The following CLCN1 variants were observed in gnomAD, a reference collection of about 807,000 sequenced individuals.
CLCN1 encodes the protein chloride voltage-gated channel 1.
CLCN1 carries 100 observed loss-of-function variants against 114.5 expected under a neutral mutation model. The observed-to-expected ratio is 0.87, with a 90% CI of 0.74 to 1.03. The LOEUF is 1.03. Ranked by LOEUF, CLCN1 falls within the 50% of genes least tolerant of loss-of-function variation. The pLI is 0.00. For missense variants in CLCN1, 1,188 were observed against 1,250.0 expected, an observed-to-expected ratio of 0.95 and a Z score of 0.75; for synonymous variants, 485 against 487.1, an observed-to-expected ratio of 1.00 and a Z score of 0.06.
At position 143,342,417 on chromosome 7, in the gene CLCN1, G is replaced by C. The variant is rs140205115; in HGVS notation, c.1842G>C (p.Lys614Asn). Reference protein sequence around the residue: ...FVEDIMVRDVKFVSASYTYGE... With the variant: ...FVEDIMVRDVNFVSASYTYGE... Reference sequence around the variant, plus strand: ...AGGACATCATGGTACGTGATGTGAAGTTTGTTTCAGCTTCTTACACATATG... The same window carrying C: ...AGGACATCATGGTACGTGATGTGAACTTTGTTTCAGCTTCTTACACATATG... The change falls in exon 16 of 23, where the codon AAG becomes AAC. Residue 614 changes from lysine to asparagine, a missense_variant. Lys to Asn is a moderately conservative substitution (Grantham distance 94). Transcript: ENST00000343257. 5,228 of 1,614,116 alleles carry C rather than the reference G, an allele frequency of 3.2e-3. 15 individuals carry two copies. The highest frequency in any genetic ancestry group is 4.2e-3 in the Non-Finnish European group (4,968 of 1,180,008).
chr7:143,335,149 C>T (rs1197097395), intron 12 of CLCN1, among the ~76,000 whole-genome samples: 1 of 152,142 alleles, frequency 6.6e-6, no homozygotes, highest in Non-Finnish European at 1.5e-5. Context: ...GTATATTTTT[C>T]AACATTTCTG....
Position 143,324,264 on chromosome 7 carries a change from C to G in CLCN1, c.775-150C>G. 11 of 712,900 alleles carry G rather than the reference C, an allele frequency of 1.5e-5. No homozygotes were observed. The highest frequency in any genetic ancestry group is 2.9e-5 in the Non-Finnish European group (11 of 384,666). The allele number at this position is 712,900 out of a possible 1,614,324, so 44.2% of individuals were successfully genotyped here. A position where few individuals can be genotyped will look rare whatever the true frequency, so the allele number is the denominator to read the frequency against. ...GCCAAACTCACTGAGTTTCTCTTGG[C>G]CTGGGAATCACAGGGGACATGGGAC... On this transcript the variant is annotated intron_variant, in intron 6 of 22. Coordinates refer to ENST00000343257, the MANE Select transcript of CLCN1 (RefSeq NM_000083.3). This position sits in a 1 kb window ranked among gnomAD's most constrained non-coding sequence, Gnocchi z 4.6.
intron 7 of CLCN1, among the ~76,000 whole-genome samples, chr7:143,329,167 C>A (rs1047851064): frequency 1.3e-5 from 2 of 152,040 alleles, no homozygotes; most frequent in Admixed American, 1.3e-4. Context: ...AGGGTTTCAC[C>A]ATGTTGGCCA....
Position 143,331,620 on chromosome 7 carries a change from G to A in CLCN1, c.1134G>A (p.Lys378=), listed in dbSNP as rs981464352. The change falls in exon 10 of 23, where the codon AAG becomes AAA. Residue 378 remains lysine, a synonymous_variant. Transcript: ENST00000343257. ...LHRQVMLGVR[K]HKALSQFLAK... Reference sequence around the variant, plus strand: ...GCCAAGTCATGCTCGGTGTCCGAAAGCACAAGGCCCTCAGCCAGTTTCTTG... The same window carrying A: ...GCCAAGTCATGCTCGGTGTCCGAAAACACAAGGCCCTCAGCCAGTTTCTTG... 6.8e-6 allele frequency: 11 copies of A among 1,613,946 alleles called. No individual in the cohort carries two copies. Among genetic ancestry groups the A allele is most frequent in the Non-Finnish European group, 9.3e-6 (11 of 1,179,944 alleles).
rs769749140 is a variant in CLCN1, at chr7:143,339,658, G to A, written c.1582+37G>A. On this transcript the variant is annotated intron_variant, in intron 14 of 22. Transcript: ENST00000343257. This position sits in a 1 kb window ranked among gnomAD's most constrained non-coding sequence, Gnocchi z 4.1. ...TCCCACTTCCCTGTAATCAAACATT[G>A]AGTACTTCAGATCCCCACACTTAAA... 4 of 1,223,830 alleles carry A rather than the reference G, an allele frequency of 3.3e-6. No individual in the cohort carries two copies. The South Asian group carries it at 3.6e-5, about 11-fold the overall frequency. 75.8% of individuals were successfully genotyped at this position (1,223,830 alleles called of 1,614,324 possible).
At chr7:143,331,392 A>C (rs1397310764) in intron 9 of CLCN1, 76 bp downstream of exon 9, 2 of 1,242,438 alleles carry the variant, frequency 1.6e-6, no homozygotes, top group African/African-American at 3.0e-5. Context: ...GACCCAAGCT[A>C]GAAAGAAGGT....
At chr7:143,325,717 T>C (rs1374148001) in intron 7 of CLCN1, among the ~76,000 whole-genome samples, 2 of 152,234 alleles carry the variant, frequency 1.3e-5, no homozygotes, top group African/African-American at 4.8e-5. Context: ...AGCCAGATTC[T>C]CTTAACATGA....
In CLCN1 at chr7:143,331,301, C is replaced by G. The variant is rs763833357; in HGVS notation, c.1049C>G (p.Ala350Gly). The G allele has an allele frequency of 1.2e-6, 2 of 1,611,958 alleles. No individual in the cohort carries two copies. The highest frequency in any genetic ancestry group is 8.5e-7 in the Non-Finnish European group (1 of 1,177,976). ...DFPFDLKELP[A>G]FAAIGICCGL... ...CCCTTTGACCTGAAGGAACTACCAG[C>G]TTTTGCTGCCATCGGGTCAGTGGGG... Residue 350 changes from alanine to glycine, a missense_variant, in exon 9 of 23, where the codon GCT becomes GGT. Transcript: ENST00000343257.
chr7:143,332,650 G>C (rs1170734092), intron 11 of CLCN1, 74 bp from the exon 12 acceptor site: 111 of 1,581,390 alleles, frequency 7.0e-5, no homozygotes, highest in Non-Finnish European at 9.5e-5. Flanking sequence ...ATGAGGCTGG[G>C]GAATAAGTTC....
Position 143,341,495 on chromosome 7 carries a change from G to T in CLCN1, c.1583-434G>T, listed in dbSNP as rs561016867. 2.7e-4 allele frequency among the ~76,000 whole-genome samples: 41 copies of T among 151,986 alleles called. No individual in the cohort carries two copies. The South Asian group carries it at 8.1e-3, about 30-fold the overall frequency. ...AATCACTTGAACCTGGGAGGTGGAG[G>T]TTCCCATGAACCGAGATTGTACCAC... On this transcript the variant is annotated intron_variant, in intron 14 of 22. Transcript: ENST00000343257.
At chr7:143,320,628 G>T (rs774932331) in intron 2 of CLCN1, 36 bp from the exon 3 acceptor site, 1 of 1,526,058 alleles carries the variant, frequency 6.6e-7, no homozygotes, top group Non-Finnish European at 9.0e-7. Context: ...TTTGTTTGTT[G>T]TTTGTTTGTT....
At chr7:143,323,585 C>G (rs1204219372) in intron 6 of CLCN1, 199 bp downstream of exon 6, 1 of 695,360 alleles carries the variant, frequency 1.4e-6, no homozygotes, top group African/African-American at 1.8e-5. Context: ...TGTGCCTGTC[C>G]TCCAAATGTC....
At chr7:143,351,405 T>C (rs923661723) in intron 22 of CLCN1, among the ~76,000 whole-genome samples, 189 bp from the exon 23 acceptor site, 3 of 152,218 alleles carry the variant, frequency 2.0e-5, no homozygotes, top group Middle Eastern at 3.4e-3. Flanking sequence ...CCTTTTCTTG[T>C]CCTTTTTCTG....
chr7:143,317,710 A>G (rs1221288326), intron 1 of CLCN1, among the ~76,000 whole-genome samples: 1 of 152,026 alleles, frequency 6.6e-6, no homozygotes, highest in Non-Finnish European at 1.5e-5. Flanking sequence ...ACCAACCCCC[A>G]GGAGTATTTG....
At chr7:143,332,943 T>C (rs1323826697) in intron 12 of CLCN1, 70 bp downstream of exon 12, 4 of 1,540,926 alleles carry the variant, frequency 2.6e-6, no homozygotes, top group African/African-American at 2.7e-5. Flanking sequence ...AGGGTTTGCA[T>C]AGGGTAGGAA....
At chr7:143,332,243 G>A (rs191941469) in intron 10 of CLCN1, among the ~76,000 whole-genome samples, 176 bp from the exon 11 acceptor site, 32 of 152,314 alleles carry the variant, frequency 2.1e-4, no homozygotes, top group African/African-American at 7.2e-4. Context: ...CATGGGATTA[G>A]AGGCATGAGC....
Position 143,332,785 on chromosome 7 carries a change from G to A in CLCN1, c.1313G>A (p.Gly438Asp). 6.2e-7 allele frequency: 1 copy of A among 1,614,082 alleles called. No individual in the cohort carries two copies. Among genetic ancestry groups the A allele is most frequent in the East Asian group, 2.2e-5 (1 of 44,884 alleles). The change falls in exon 12 of 23, where the codon GGT becomes GAT. Residue 438 changes from glycine (G) to aspartate (D), a missense_variant. Transcript: ENST00000343257. Reference protein sequence around the residue: ...FDNNTWVKHAGDPESLGQSAV... With the variant: ...FDNNTWVKHADDPESLGQSAV... ...AACAATACATGGGTGAAACACGCGG[G>A]TGATCCTGAGAGCCTGGGCCAGTCA...
intron 5 of CLCN1, among the ~76,000 whole-genome samples, chr7:143,322,812 C>T (rs1047934387): frequency 3.3e-5 from 5 of 152,266 alleles, no homozygotes; most frequent in Admixed American, 3.3e-4. Context: ...TGCGCCACCG[C>T]GCCCGGCCTT....
Position 143,330,409 on chromosome 7 carries a change from AT to A in CLCN1, c.854-356del, listed in dbSNP as rs1274872853. 4.6e-5 allele frequency among the ~76,000 whole-genome samples: 7 copies of A among 151,904 alleles called. 1 individual carries two copies. Among genetic ancestry groups the A allele is most frequent in the African/African-American group, 1.5e-4 (6 of 41,324 alleles). ...TTTCTCTCTCTTAACTTCTCTGCAGATTTTTTTCAACTACCTTTTAGTCCCT... is the reference window on the plus strand; with the variant it reads ...TTTCTCTCTCTTAACTTCTCTGCAGATTTTTTCAACTACCTTTTAGTCCCT... On this transcript the variant is annotated intron_variant, in intron 7 of 22. Coordinates refer to ENST00000343257, the MANE Select transcript of CLCN1 (RefSeq NM_000083.3).
Sources: allele counts gnomAD v4.1 joint callset (sites outside exome capture counted in the v4.1 genomes callset), GRCh38; gene constraint gnomAD v4.1.1; non-coding constraint Gnocchi (gnomAD v3.1); transcripts MANE v1.5; gene names NCBI Gene and HGNC (gene_info 2026-07-23, HGNC 2026-07-21).